Variants in MAN2C1 observed in about 807,000 individuals in gnomAD.
MAN2C1 encodes the protein alpha-mannosidase 2C1.
Under a neutral mutation model 126.9 loss-of-function variants are expected in MAN2C1, and 111 were observed. The observed-to-expected ratio is 0.87, with a 90% CI of 0.75 to 1.02. The LOEUF is 1.02. Among genes scored for constraint, MAN2C1 ranks in the 50% least tolerant of loss-of-function variants. The pLI is 0.00. For missense variants in MAN2C1, 1,363 were observed against 1,364.4 expected, an observed-to-expected ratio of 1.00 and a Z score of 0.02; for synonymous variants, 567 against 561.5, an observed-to-expected ratio of 1.01 and a Z score of -0.14.
In MAN2C1 at chr15:75,361,650, C is replaced by T. The variant is rs750975282; in HGVS notation, c.1172G>A (p.Arg391His). The T allele has an allele frequency of 3.7e-6, 6 of 1,613,984 alleles. No homozygotes were observed. The highest frequency in any genetic ancestry group is 2.2e-5 in the South Asian group (2 of 91,080). Residue 391 changes from arginine (R) to histidine (H), a missense_variant, in exon 10 of 26, where the codon CGC (arginine) becomes CAC (histidine). Around this residue, in one of 3 missense-constraint regions of MAN2C1, gnomAD observed 628 missense variants for 609.8 expected, o/e 1.03. Coordinates refer to ENST00000267978, the MANE Select transcript of MAN2C1 (RefSeq NM_006715.4). This position sits in a 1 kb window ranked among gnomAD's most constrained non-coding sequence, Gnocchi z 5.0. ...PQIMHGCGIR[R>H]FLTQKLSWNL... The stretch of plus-strand genomic sequence containing the variant: ...CCAGCTCAATTTCTGGGTGAGAAAG[C>T]GCCTGATGCCACAGCCGTGCATGAT...
rs556701707 is a variant in MAN2C1, at chr15:75,360,805, C to T, written c.1461-117G>A. ...AGAGGAGCCACTCCAGAAAGCTCCC[C>T]GTTCACAGATGGCCAGCCCTGGACG... On this transcript the variant is annotated intron_variant, in intron 12 of 25. Transcript: ENST00000267978. 4,372 of 1,395,954 alleles carry T rather than the reference C, an allele frequency of 3.1e-3. 9 individuals are homozygous for T. Among genetic ancestry groups the T allele is most frequent in the Non-Finnish European group, 3.7e-3 (3,781 of 1,024,774 alleles). 86.5% of individuals were successfully genotyped at this position (1,395,954 alleles called of 1,614,324 possible).
At position 75,355,874 on chromosome 15, in the gene MAN2C1, C is replaced by T. The variant is rs776077716; in HGVS notation, c.*32G>A. 5.0e-6 allele frequency: 8 copies of T among 1,613,474 alleles called. No individual in the cohort carries two copies. In the Admixed American group the frequency reaches 1.3e-4, roughly 27 times the overall value. The stretch of plus-strand genomic sequence containing the variant: ...AAGCAGAAATTAGGAGTCCCCAGAG[C>T]CTTCTACAAACAAAACCCCAGCCCC... On this transcript the variant is annotated 3_prime_UTR_variant, in exon 26 of 26. Transcript: ENST00000267978.
In MAN2C1 at chr15:75,367,516, C is replaced by T. The variant is rs773483463; in HGVS notation, c.346G>A (p.Val116Ile). ...EGLVWRDGEPVQGLTKEGEKT... is the reference protein window; with the variant it reads ...EGLVWRDGEPIQGLTKEGEKT... ...CCTAGGACAGGGTTCCTCACCTGGA[C>T]AGGTTCTCCATCACGCCACACCAGA... Residue 116 changes from valine to isoleucine, a missense_variant, in exon 3 of 26, where the codon GTC becomes ATC. Around this residue, in one of 3 missense-constraint regions of MAN2C1, gnomAD observed 628 missense variants for 609.8 expected, o/e 1.03. Transcript: ENST00000267978. The T allele has an allele frequency of 7.4e-6, 12 of 1,613,930 alleles. No individual in the cohort carries two copies. In the South Asian group the frequency reaches 8.8e-5, roughly 12 times the overall value.
In MAN2C1 at chr15:75,362,518, G is replaced by T; in HGVS notation, c.898-65C>A. ...GGGCCCCACCCAGGACTGAGCATAT[G>T]GGACTCAGTGTGTGGCTGAGGGTGA... On this transcript the variant is annotated intron_variant, in intron 7 of 25. Transcript: ENST00000267978. The surrounding 1 kb of genome is among the most constrained non-coding windows in gnomAD (Gnocchi z 4.5). 6.6e-7 allele frequency: 1 copy of T among 1,512,140 alleles called. No homozygotes were observed. The highest frequency in any genetic ancestry group is 9.1e-7 in the Non-Finnish European group (1 of 1,103,494). 93.7% of individuals were successfully genotyped at this position (1,512,140 alleles called of 1,614,324 possible).
Position 75,362,271 on chromosome 15 carries a change from G to A in MAN2C1, c.1008+72C>T, listed in dbSNP as rs890446423. ...CCCGTGGAAACTCACCAGCAAAGCC[G>A]GGAGGGCGGGGCTACCTGAGGGAAG... On this transcript the variant is annotated intron_variant, in intron 8 of 25. Transcript: ENST00000267978. The surrounding 1 kb of genome is among the most constrained non-coding windows in gnomAD (Gnocchi z 4.5). 1.2e-5 allele frequency: 17 copies of A among 1,378,192 alleles called. No homozygotes were observed. Among genetic ancestry groups the A allele is most frequent in the South Asian group, 1.2e-4 (10 of 83,966 alleles). The allele number at this position is 1,378,192 out of a possible 1,614,324, so 85.4% of individuals were successfully genotyped here.
chr15:75,364,316 T>C, intron 5 of MAN2C1, 128 bp from the exon 6 acceptor site: 3 of 1,252,822 alleles, frequency 2.4e-6, no homozygotes, highest in Non-Finnish European at 2.2e-6. Context: ...GTCCCCCTGC[T>C]CAGCACCGTC....
At position 75,359,980 on chromosome 15, in the gene MAN2C1, A is replaced by C; in HGVS notation, c.1715T>G (p.Leu572Arg). 6.2e-7 allele frequency: 1 copy of C among 1,614,050 alleles called. No homozygotes were observed. Among genetic ancestry groups the C allele is most frequent in the Non-Finnish European group, 8.5e-7 (1 of 1,179,938 alleles). Residue 572 changes from leucine (L) to arginine (R), a missense_variant, in exon 15 of 26, where the codon CTT becomes CGT. Physicochemically the swap from Leu to Arg is moderately radical, Grantham distance 102. Coordinates refer to ENST00000267978, the MANE Select transcript of MAN2C1 (RefSeq NM_006715.4). Reference protein sequence around the residue: ...AQLQHLWRLLLLNQFHDVVTG... With the variant: ...AQLQHLWRLLRLNQFHDVVTG... ...CACCACATCATGGAACTGGTTCAGA[A>C]GAAGGAGCCTGCAGGGGCCAAGGGC...
intron 4 of MAN2C1, among the ~76,000 whole-genome samples, 197 bp from the exon 5 acceptor site, chr15:75,364,862 G>A (rs2072544457): frequency 6.6e-6 from 1 of 152,222 alleles, no homozygotes; most frequent in Admixed American, 6.5e-5. Flanking sequence ...CCCATGTCTT[G>A]CTGTCAGAGA....
chr15:75,356,543 G>C lies in MAN2C1; in HGVS notation c.2737+63C>G. On this transcript the variant is annotated intron_variant, in intron 23 of 25. Transcript: ENST00000267978. The surrounding 1 kb of genome is among the most constrained non-coding windows in gnomAD (Gnocchi z 5.8). Reference sequence around the variant, plus strand: ...AGGAAGCCAGGTTGCTGGGGTTTGGGCTCAGGGAAGGGCAGAGAGGTGTCT... The same window carrying C: ...AGGAAGCCAGGTTGCTGGGGTTTGGCCTCAGGGAAGGGCAGAGAGGTGTCT... 6.4e-7 allele frequency: 1 copy of C among 1,550,614 alleles called. No individual in the cohort carries two copies. The highest frequency in any genetic ancestry group is 1.2e-5 in the South Asian group (1 of 84,644).
Position 75,366,534 on chromosome 15 carries a change from C to T in MAN2C1, c.410G>A (p.Arg137Lys). Reference sequence around the variant, plus strand: ...CACAGGGACTCACCTTCGGGGGTCTCTTTCCCCCAGCCTGTCAGTCAGGAC... The same window carrying T: ...CACAGGGACTCACCTTCGGGGGTCTTTTTCCCCCAGCCTGTCAGTCAGGAC... ...SYVLTDRLGE[R>K]DPRSLTLYVE... Residue 137 changes from arginine to lysine, a missense_variant, in exon 4 of 26, where the codon AGA becomes AAA. Arg to Lys is a conservative substitution (Grantham distance 26). This residue lies in a region of MAN2C1 where 628 missense variants were observed against 609.8 expected (regional missense o/e 1.03). Transcript: ENST00000267978. 1.2e-6 allele frequency: 2 copies of T among 1,613,632 alleles called. No homozygotes were observed. The highest frequency in any genetic ancestry group is 1.7e-6 in the Non-Finnish European group (2 of 1,179,788).
chr15:75,364,261 GCT>G, intron 5 of MAN2C1, 73 bp from the exon 6 acceptor site: 1 of 1,473,062 alleles, frequency 6.8e-7, no homozygotes. Context: ...TGATCTCAGG[GCT>G]CTCAGCAGAG....
Position 75,356,086 on chromosome 15 carries a change from C to G in MAN2C1, c.2996+24G>C. ...CTGCGAGGGCGAGACTCGACCCCCG[C>G]CCCAATCCCACACCGCCACTCACAG... On this transcript the variant is annotated intron_variant, in intron 25 of 25. Coordinates refer to ENST00000267978, the MANE Select transcript of MAN2C1 (RefSeq NM_006715.4). The surrounding 1 kb of genome is among the most constrained non-coding windows in gnomAD (Gnocchi z 5.8). 1 of 1,613,596 alleles carries G rather than the reference C, an allele frequency of 6.2e-7. No individual in the cohort carries two copies. Among genetic ancestry groups the G allele is most frequent in the Middle Eastern group, 1.7e-4 (1 of 6,060 alleles).
chr15:75,360,805 C>A (rs556701707), intron 12 of MAN2C1, 117 bp from the exon 13 acceptor site: 1 of 1,395,992 alleles, frequency 7.2e-7, no homozygotes. Flanking sequence ...GAAAGCTCCC[C>A]GTTCACAGAT....
intron 4 of MAN2C1, chr15:75,366,050 G>A: frequency 2.9e-6 from 1 of 344,168 alleles, no homozygotes; most frequent in South Asian, 2.1e-5. Flanking sequence ...TCGTGCTACT[G>A]TACTCCAGCA....
Position 75,368,590 on chromosome 15 carries a change from G to C in MAN2C1, c.-7C>G. 1 of 1,537,882 alleles carries C rather than the reference G, an allele frequency of 6.5e-7. No homozygotes were observed. The highest frequency in any genetic ancestry group is 2.5e-5 in the East Asian group (1 of 40,654). On this transcript the variant is annotated 5_prime_UTR_variant, in exon 1 of 26. Coordinates refer to ENST00000267978, the MANE Select transcript of MAN2C1 (RefSeq NM_006715.4). ...AGGCCGGCGCAGCCGCCATCGCCGG[G>C]CTCTCGCTCCTCTTTCCGGAAGGCC...
At chr15:75,368,236 G>GC in intron 1 of MAN2C1, 38 bp from the exon 2 acceptor site, 1 of 1,566,162 alleles carries the variant, frequency 6.4e-7, no homozygotes, top group East Asian at 2.4e-5. Flanking sequence ...GCTGGAGGCC[G>GC]CCCCGTTTCC....
In MAN2C1 at chr15:75,359,172, T is replaced by A. The variant is rs965753330; in HGVS notation, c.2047-19A>T. On this transcript the variant is annotated intron_variant, in intron 17 of 25. Coordinates refer to ENST00000267978, the MANE Select transcript of MAN2C1 (RefSeq NM_006715.4). The stretch of plus-strand genomic sequence containing the variant: ...CATCAGTCTTTGTGGGAGGAGGCCT[T>A]GAGGCTGAGTCTGTAGGGGCTTCCC... 6.2e-7 allele frequency: 1 copy of A among 1,613,626 alleles called. No individual in the cohort carries two copies. The highest frequency in any genetic ancestry group is 1.3e-5 in the African/African-American group (1 of 75,054).
chr15:75,362,869 T>A lies in MAN2C1; in HGVS notation c.791-121A>T. 1 of 792,656 alleles carries A rather than the reference T, an allele frequency of 1.3e-6. No individual in the cohort carries two copies. Among genetic ancestry groups the A allele is most frequent in the East Asian group, 2.7e-5 (1 of 37,548 alleles). The allele number at this position is 792,656 out of a possible 1,614,324, so 49.1% of individuals were successfully genotyped here. ...AGGCCCTTCACCCTGGAAAGCCCTG[T>A]GGTGTCCCTCCTAAGTGGTCACTTC... On this transcript the variant is annotated intron_variant, in intron 6 of 25. Coordinates refer to ENST00000267978, the MANE Select transcript of MAN2C1 (RefSeq NM_006715.4). The surrounding 1 kb of genome is among the most constrained non-coding windows in gnomAD (Gnocchi z 4.5).
rs755892331 is a variant in MAN2C1 at position 75,361,590 on chromosome 15, G to A, written c.1218+14C>T. On this transcript the variant is annotated intron_variant, in intron 10 of 25. Coordinates refer to ENST00000267978, the MANE Select transcript of MAN2C1 (RefSeq NM_006715.4). This position sits in a 1 kb window ranked among gnomAD's most constrained non-coding sequence, Gnocchi z 5.0. Reference sequence around the variant, plus strand: ...AGGCCCACTCTGACCCTGACCCCCCGGGGGCCTGCTTACTGGGAAGGAGTT... The same window carrying A: ...AGGCCCACTCTGACCCTGACCCCCCAGGGGCCTGCTTACTGGGAAGGAGTT... 49 of 1,600,630 alleles carry A rather than the reference G, an allele frequency of 3.1e-5. No homozygotes were observed. Among genetic ancestry groups the A allele is most frequent in the African/African-American group, 8.0e-5 (6 of 74,620 alleles).
Sources: allele counts gnomAD v4.1 joint callset (sites outside exome capture counted in the v4.1 genomes callset), GRCh38; gene constraint gnomAD v4.1.1; regional missense constraint gnomAD v4.1.1; non-coding constraint Gnocchi (gnomAD v3.1); transcripts MANE v1.5; gene names NCBI Gene and HGNC (gene_info 2026-07-23, HGNC 2026-07-21).